GPR107: variants seen among roughly 807,000 people sequenced by gnomAD.
The protein encoded by GPR107 is protein GPR107.
A neutral mutation model predicts 75.5 loss-of-function variants in GPR107; 31 were observed. The observed-to-expected ratio is 0.41, with a 90% CI of 0.31 to 0.55. The LOEUF is 0.55. Among genes scored for constraint, GPR107 ranks in the 20% least tolerant of loss-of-function variants. The pLI, the probability that GPR107 is intolerant of heterozygous loss-of-function variation, is 0.26. For synonymous variants in GPR107, 267 were observed against 251.3 expected, an observed-to-expected ratio of 1.06 and a Z score of -0.59; for missense variants, 572 against 665.7, an observed-to-expected ratio of 0.86 and a Z score of 1.55.
chr9:130,055,507 A>ACT (rs1564654647), intron 1 of GPR107, among the ~76,000 whole-genome samples: 3 of 138,286 alleles, frequency 2.2e-5, no homozygotes, highest in Non-Finnish European at 3.1e-5. Flanking sequence ...CAGCCTGGGC[A>ACT]ACAGCGCGAG....
At chr9:130,063,512 T>A (rs1281611603) in intron 1 of GPR107, among the ~76,000 whole-genome samples, 1 of 152,170 alleles carries the variant, frequency 6.6e-6, no homozygotes, top group African/African-American at 2.4e-5. Flanking sequence ...TTAAATTATT[T>A]AAAATTTTTT....
intron 14 of GPR107, among the ~76,000 whole-genome samples, chr9:130,124,165 T>C: frequency 6.6e-6 from 1 of 152,192 alleles, no homozygotes; most frequent in East Asian, 1.9e-4. Context: ...ACGGTCCCAT[T>C]CTTAAACTGA....
chr9:130,054,712 C>T (rs1829701051), intron 1 of GPR107, among the ~76,000 whole-genome samples: 1 of 152,214 alleles, frequency 6.6e-6, no homozygotes, highest in Non-Finnish European at 1.5e-5. Flanking sequence ...TACTCTGGAT[C>T]TTGCTTTGTA....
intron 1 of GPR107, among the ~76,000 whole-genome samples, chr9:130,071,334 C>CTT (rs79204942): frequency 2.0e-5 from 3 of 150,948 alleles, no homozygotes; most frequent in East Asian, 1.9e-4. Flanking sequence ...GCCCCTCACC[C>CTT]TTTTTTTTTC....
rs148325329 is a variant in GPR107 at position 130,101,586 on chromosome 9, G to A, written c.1131+363G>A. Among the ~76,000 whole-genome samples the A allele has an allele frequency of 3.1e-4, 47 of 152,168 alleles. 2 individuals are homozygous for A. The East Asian group carries it at 3.5e-3, about 11-fold the overall frequency. On this transcript the variant is annotated intron_variant, in intron 12 of 17. Coordinates refer to ENST00000347136, the MANE Select transcript of GPR107 (RefSeq NM_020960.5). ...GAGATGTAGTGATTTTATTAACAAA[G>A]TATTTTAAAACCGTGAACTACACCA...
intron 5 of GPR107, among the ~76,000 whole-genome samples, chr9:130,080,003 T>G (rs1830454163): frequency 6.6e-6 from 1 of 152,250 alleles, no homozygotes; most frequent in Non-Finnish European, 1.5e-5. Flanking sequence ...ATTTATGTTT[T>G]CTTATAAGCT....
At chr9:130,067,461 C>T (rs1217406846) in intron 1 of GPR107, among the ~76,000 whole-genome samples, 4 of 152,052 alleles carry the variant, frequency 2.6e-5, no homozygotes, top group Admixed American at 2.0e-4. Context: ...CCCAGGTTAG[C>T]GCACCTTCCA....
At position 130,094,806 on chromosome 9, in the gene GPR107, G is replaced by A. The variant is rs1236971528; in HGVS notation, c.863+2425G>A. ...AGCGATTCTCTTGCCTCAGCCTCCCGAGTAACTGGGATTACAGGTGCCTGC... is the reference window on the plus strand; with the variant it reads ...AGCGATTCTCTTGCCTCAGCCTCCCAAGTAACTGGGATTACAGGTGCCTGC... On this transcript the variant is annotated intron_variant, in intron 9 of 17. Transcript: ENST00000347136. Among the ~76,000 whole-genome samples the A allele has an allele frequency of 4.6e-5, 7 of 151,808 alleles. No homozygotes were observed. In the East Asian group the frequency reaches 5.9e-4, roughly 13 times the overall value.
intron 1 of GPR107, among the ~76,000 whole-genome samples, chr9:130,070,459 A>G (rs1463172273): frequency 6.6e-6 from 1 of 151,992 alleles, no homozygotes; most frequent in Non-Finnish European, 1.5e-5. Context: ...ATGTGTCACC[A>G]TGCTTGGCTA....
At chr9:130,054,826 C>T (rs541902377) in intron 1 of GPR107, among the ~76,000 whole-genome samples, 8 of 152,314 alleles carry the variant, frequency 5.3e-5, no homozygotes, top group Middle Eastern at 6.8e-3. Flanking sequence ...TGCCTGTAAT[C>T]CCAACACTGG....
intron 1 of GPR107, among the ~76,000 whole-genome samples, chr9:130,055,699 C>T (rs1829766816): frequency 6.6e-6 from 1 of 152,080 alleles, no homozygotes; most frequent in Non-Finnish European, 1.5e-5. Flanking sequence ...AATCCTAGCA[C>T]TTTGGGAGGC....
At chr9:130,068,470 A>T (rs570033600) in intron 1 of GPR107, among the ~76,000 whole-genome samples, 5 of 152,134 alleles carry the variant, frequency 3.3e-5, no homozygotes, top group Non-Finnish European at 7.3e-5. Flanking sequence ...AGCCATGTAT[A>T]ACATGTGGGT....
Position 130,135,441 on chromosome 9 carries a change from G to A in GPR107, c.*320G>A, listed in dbSNP as rs1423516983. On this transcript the variant is annotated 3_prime_UTR_variant, in exon 18 of 18. Transcript: ENST00000347136. ...TTTCTTCTTCATTTCGGAGCTCTAA[G>A]GTGTATGCAGTTGTGACCCCATGTG... The A allele has an allele frequency of 3.8e-6, 1 of 261,388 alleles. No homozygotes were observed. The highest frequency in any genetic ancestry group is 2.3e-5 in the African/African-American group (1 of 43,536). The allele number at this position is 261,388 out of a possible 1,614,324, so 16.2% of individuals were successfully genotyped here. A position where few individuals can be genotyped will look rare whatever the true frequency, so the allele number is the denominator to read the frequency against.
At chr9:130,071,076 C>T (rs1257673432) in intron 1 of GPR107, among the ~76,000 whole-genome samples, 3 of 121,440 alleles carry the variant, frequency 2.5e-5, no homozygotes, top group South Asian at 2.7e-4. Context: ...CACTCTGTGG[C>T]GCAGGCTGGA....
intron 1 of GPR107, among the ~76,000 whole-genome samples, chr9:130,064,116 G>T (rs560418878): frequency 6.9e-6 from 1 of 145,236 alleles, no homozygotes; most frequent in Non-Finnish European, 1.5e-5. Context: ...CCCAGCCAGG[G>T]TTTATTCTTT....
intron 14 of GPR107, chr9:130,108,787 T>C (rs1433090508): frequency 4.4e-6 from 2 of 456,044 alleles, no homozygotes; most frequent in Non-Finnish European, 8.8e-6. Flanking sequence ...TTCCCTTCTT[T>C]TCCCTCTGGA....
chr9:130,084,875 A>G (rs951655499), intron 6 of GPR107, among the ~76,000 whole-genome samples: 2 of 152,152 alleles, frequency 1.3e-5, no homozygotes, highest in Non-Finnish European at 2.9e-5. Context: ...AAACCATCAG[A>G]AAAGCCCTCT....
At chr9:130,098,226 A>G (rs1045722219) in intron 9 of GPR107, among the ~76,000 whole-genome samples, 1 of 151,984 alleles carries the variant, frequency 6.6e-6, no homozygotes, top group African/African-American at 2.4e-5. Context: ...TCCTAAGGGG[A>G]GGTGGGAAGG....
At chr9:130,097,626 G>A (rs1830907695) in intron 9 of GPR107, among the ~76,000 whole-genome samples, 1 of 151,748 alleles carries the variant, frequency 6.6e-6, no homozygotes. Flanking sequence ...GCTTTATTTT[G>A]CGTTTCTCTG....
Sources: allele counts gnomAD v4.1 joint callset (sites outside exome capture counted in the v4.1 genomes callset), GRCh38; gene constraint gnomAD v4.1.1; transcripts MANE v1.5; gene names NCBI Gene and HGNC (gene_info 2026-07-23, HGNC 2026-07-21).